The following TRIOBP variants were observed in gnomAD, a reference collection of about 807,000 sequenced individuals.
TRIOBP encodes the protein TRIO and F-actin binding protein.
TRIOBP carries 169 observed loss-of-function variants against 238.8 expected under a neutral mutation model. The ratio of observed to expected loss-of-function variants is 0.71; its 90% CI spans 0.62 to 0.80. TRIOBP has a LOEUF of 0.80. Among genes scored for constraint, TRIOBP ranks in the 30% least tolerant of loss-of-function variants. TRIOBP has a pLI of 0.00. For synonymous variants in TRIOBP, 1,150 were observed against 1,274.4 expected (o/e 0.90, Z 2.08); for missense variants, 2,838 against 3,122.6 (o/e 0.91, Z 2.17).
Position 37,701,331 on chromosome 22 carries a change from G to C in TRIOBP, c.-35G>C, listed in dbSNP as rs374563058. 1 of 1,554,016 alleles carries C rather than the reference G, an allele frequency of 6.4e-7. No individual in the cohort carries two copies. The highest frequency in any genetic ancestry group is 8.8e-7 in the Non-Finnish European group (1 of 1,132,842). On this transcript the variant is annotated 5_prime_UTR_variant, in exon 3 of 24. Transcript: ENST00000644935. ...GCCTCACATAGACGGTCAGCCATTGGATCATAGGAACTGCCCTGGCCTGAC... is the reference window on the plus strand; with the variant it reads ...GCCTCACATAGACGGTCAGCCATTGCATCATAGGAACTGCCCTGGCCTGAC...
intron 14 of TRIOBP, 87 bp downstream of exon 14, chr22:37,755,277 C>A: frequency 7.5e-7 from 1 of 1,340,162 alleles, no homozygotes. Flanking sequence ...CATGGCTCAC[C>A]ATGGAGACTG....
Position 37,759,256 on chromosome 22 carries a change from A to C in TRIOBP, c.6316A>C (p.Ile2106Leu). 1.2e-6 allele frequency: 2 copies of C among 1,612,882 alleles called. No individual in the cohort carries two copies. The highest frequency in any genetic ancestry group is 1.7e-6 in the Non-Finnish European group (2 of 1,179,742). Residue 2106 changes from isoleucine to leucine, a missense_variant, in exon 17 of 24, where the codon ATC (isoleucine) becomes CTC (leucine). Around this residue, in one of 5 missense-constraint regions of TRIOBP, gnomAD observed 2,096 missense variants for 2,137.4 expected, o/e 0.98. Coordinates refer to ENST00000644935, the MANE Select transcript of TRIOBP (RefSeq NM_001039141.3). Reference sequence around the variant, plus strand: ...GGATGGCCACATCCCCCCGGGCTACATCTCACAGGTAAGGCCGGGGGGCTG... The same window carrying C: ...GGATGGCCACATCCCCCCGGGCTACCTCTCACAGGTAAGGCCGGGGGGCTG... ...QEDGHIPPGYISQEACERSLA... is the reference protein window; with the variant it reads ...QEDGHIPPGYLSQEACERSLA...
chr22:37,748,649 G>A (rs1056776584), intron 11 of TRIOBP, among the ~76,000 whole-genome samples: 1 of 152,164 alleles, frequency 6.6e-6, no homozygotes, highest in African/African-American at 2.4e-5. Flanking sequence ...CAGGTAAACA[G>A]TGTATGTCCC....
Position 37,725,674 on chromosome 22 carries a change from T to C in TRIOBP, c.3118T>C (p.Phe1040Leu). ...CTATTTGCAGCACGACCCCTTCCCC[T>C]TCTTCCCAGAGCCCCGCGCCCCTGA... ...PRYLQHDPFP[F>L]FPEPRAPESE... is the part of the protein sequence containing the mutation. Residue 1040 changes from phenylalanine (F) to leucine (L), a missense_variant, in exon 7 of 24, where the codon TTC becomes CTC. Phe to Leu is a conservative substitution (Grantham distance 22). Transcript: ENST00000644935. 1 of 1,611,016 alleles carries C rather than the reference T, an allele frequency of 6.2e-7. No homozygotes were observed. Among genetic ancestry groups the C allele is most frequent in the Non-Finnish European group, 8.5e-7 (1 of 1,179,156 alleles).
intron 6 of TRIOBP, among the ~76,000 whole-genome samples, chr22:37,722,350 C>T (rs1923873300): frequency 6.6e-6 from 1 of 151,080 alleles, no homozygotes; most frequent in African/African-American, 2.4e-5. Context: ...ATCATTTGAA[C>T]CCAGGAGGCT....
chr22:37,722,465 G>A (rs1263974333), intron 6 of TRIOBP, among the ~76,000 whole-genome samples: 2 of 149,216 alleles, frequency 1.3e-5, no homozygotes, highest in East Asian at 2.0e-4. Flanking sequence ...GGTGGCTCAC[G>A]CCTGTAATCC....
chr22:37,742,257 G>GTTTTT (rs762341330), intron 11 of TRIOBP, among the ~76,000 whole-genome samples: 12 of 102,756 alleles, frequency 1.2e-4, no homozygotes, highest in South Asian at 3.7e-4. Flanking sequence ...CACGCCAGGC[G>GTTTTT]TTTTTTTTTT....
intron 4 of TRIOBP, among the ~76,000 whole-genome samples, chr22:37,711,578 C>CAAAAAAAAAAAAA (rs1185976077): frequency 5.5e-5 from 1 of 18,042 alleles, no homozygotes; most frequent in African/African-American, 1.7e-4. Context: ...GGCTCCGTCT[C>CAAAAAAAAAAAAA]AAAAAAAAAA....
chr22:37,748,619 C>T (rs1445775067), intron 11 of TRIOBP, among the ~76,000 whole-genome samples: 1 of 152,160 alleles, frequency 6.6e-6, no homozygotes, highest in African/African-American at 2.4e-5. Context: ...CCCTGAGCCC[C>T]TATCTGTGCT....
Position 37,697,658 on chromosome 22 carries a change from A to G in TRIOBP, c.-99A>G, listed in dbSNP as rs1922418753. 6.6e-6 allele frequency: 1 copy of G among 152,324 alleles called. No individual in the cohort carries two copies. Among genetic ancestry groups the G allele is most frequent in the South Asian group, 2.1e-4 (1 of 4,824 alleles). The allele number at this position is 152,324 out of a possible 1,614,324, so 9.4% of individuals were successfully genotyped here. On this transcript the variant is annotated 5_prime_UTR_variant, in exon 2 of 24. Transcript: ENST00000644935. ...GGTGAAATTCCTCAGCTCTCCACCA[A>G]GATTGGCCACAAAAGCCTGATCCCC... is the stretch of plus-strand genomic sequence containing the variant.
chr22:37,705,218 T>C (rs1032019672), intron 3 of TRIOBP, among the ~76,000 whole-genome samples: 3 of 151,802 alleles, frequency 2.0e-5, no homozygotes, highest in African/African-American at 4.8e-5. Context: ...CTATTAAAAA[T>C]ACACAAATTA....
rs1926013989 is a variant in TRIOBP at position 37,757,780 on chromosome 22, C to T, written c.5855C>T (p.Thr1952Ile). 1.3e-6 allele frequency: 2 copies of T among 1,549,702 alleles called. No individual in the cohort carries two copies. Among genetic ancestry groups the T allele is most frequent in the South Asian group, 1.2e-5 (1 of 84,274 alleles). Residue 1952 changes from threonine (T) to isoleucine (I), a missense_variant, in exon 16 of 24, where the codon ACC (threonine) becomes ATC (isoleucine). Coordinates refer to ENST00000644935, the MANE Select transcript of TRIOBP (RefSeq NM_001039141.3). ...GACTACGTGGAGCTCTCGCCGCTGACCCAGGCTTCCCCGCAGCGGGCCCGC... is the reference window on the plus strand; with the variant it reads ...GACTACGTGGAGCTCTCGCCGCTGATCCAGGCTTCCCCGCAGCGGGCCCGC... ...ALDYVELSPLTQASPQRARTP... is the reference protein window; with the variant it reads ...ALDYVELSPLIQASPQRARTP...
At chr22:37,734,359 C>CAG (rs541970309) in intron 8 of TRIOBP, 40 bp from the exon 9 acceptor site, 1 of 1,583,636 alleles carries the variant, frequency 6.3e-7, no homozygotes, top group South Asian at 1.1e-5. Flanking sequence ...GCCAGGTCCC[C>CAG]AGAGAGAGAG....
At position 37,734,770 on chromosome 22, in the gene TRIOBP, G is replaced by T; in HGVS notation, c.4434G>T (p.Gly1478=). 6.2e-7 allele frequency: 1 copy of T among 1,612,218 alleles called. No individual in the cohort carries two copies. The highest frequency in any genetic ancestry group is 1.1e-5 in the South Asian group (1 of 91,028). Residue 1478 remains glycine, a synonymous_variant, in exon 9 of 24, where the codon GGG becomes GGT. Coordinates refer to ENST00000644935, the MANE Select transcript of TRIOBP (RefSeq NM_001039141.3). ...GAAKAPEGAW[G]GTSREYKESW... ...CCAAAGCCCCGGAGGGAGCATGGGG[G>T]GGCACTTCCAGGGAGTACAAGGAGA...
At position 37,713,425 on chromosome 22, in the gene TRIOBP, G is replaced by A; in HGVS notation, c.456+14G>A. Reference sequence around the variant, plus strand: ...TCGTCCTCTGTGGTGAGCCAGGAGTGGGAGTTTGGGGGACAAGAGTGGCTC... The same window carrying A: ...TCGTCCTCTGTGGTGAGCCAGGAGTAGGAGTTTGGGGGACAAGAGTGGCTC... On this transcript the variant is annotated intron_variant, in intron 5 of 23. Transcript: ENST00000644935. 6.2e-7 allele frequency: 1 copy of A among 1,610,712 alleles called. No individual in the cohort carries two copies. Among genetic ancestry groups the A allele is most frequent in the Non-Finnish European group, 8.5e-7 (1 of 1,179,884 alleles).
chr22:37,761,165 C>T (rs1421363544), intron 17 of TRIOBP, among the ~76,000 whole-genome samples: 1 of 151,876 alleles, frequency 6.6e-6, no homozygotes, highest in Admixed American at 6.6e-5. Flanking sequence ...GTTAGAAGCT[C>T]TGGCCTGGTA....
chr22:37,721,424 T>G (rs899806860), intron 6 of TRIOBP, among the ~76,000 whole-genome samples: 13 of 152,318 alleles, frequency 8.5e-5, no homozygotes, highest in African/African-American at 2.9e-4. Context: ...ACAGGGGATC[T>G]TAAGAAGGCG....
intron 17 of TRIOBP, chr22:37,759,565 C>A (rs757152625): frequency 1.3e-6 from 2 of 1,595,466 alleles, no homozygotes; most frequent in South Asian, 2.2e-5. Context: ...GTGTGTGAGT[C>A]CCCGTGTGAC....
intron 6 of TRIOBP, among the ~76,000 whole-genome samples, chr22:37,718,335 G>T (rs1048753781): frequency 6.6e-6 from 1 of 152,254 alleles, no homozygotes; most frequent in Non-Finnish European, 1.5e-5. Context: ...GCCAAAGTGG[G>T]AGCCCAGGCA....
Sources: gnomAD v4.1 joint callset for allele counts (sites outside exome capture counted in the v4.1 genomes callset) on GRCh38, gnomAD v4.1.1 for gene constraint, gnomAD v4.1.1 regional missense constraint, MANE v1.5 for transcripts, NCBI Gene and HGNC (gene_info 2026-07-23, HGNC 2026-07-21) for gene names.